PCTP: variants seen among roughly 807,000 people sequenced by gnomAD.
The protein encoded by PCTP is START domain-containing protein 2.
PCTP carries 27 observed loss-of-function variants against 31.0 expected under a neutral mutation model. The ratio of observed to expected loss-of-function variants is 0.87; its 90% CI spans 0.64 to 1.20. The LOEUF (loss-of-function observed/expected upper bound fraction) is 1.20. Among genes scored for constraint, PCTP ranks in the 50% most tolerant of loss-of-function variants. The pLI, the probability that PCTP is intolerant of heterozygous loss-of-function variation, is 0.00. For synonymous variants in PCTP, 108 were observed against 101.2 expected (o/e 1.07, Z -0.40); for missense variants, 287 against 268.2 (o/e 1.07, Z -0.49).
rs1038212020 is a variant in PCTP, at chr17:55,770,981, C to A, written c.260-125C>A. 1.3e-5 allele frequency: 9 copies of A among 696,110 alleles called. 1 individual carries two copies. The highest frequency in any genetic ancestry group is 2.1e-5 in the Non-Finnish European group (8 of 388,296). The allele number at this position is 696,110 out of a possible 1,614,324, so 43.1% of individuals were successfully genotyped here. On this transcript the variant is annotated intron_variant, in intron 2 of 5. Coordinates refer to ENST00000268896, the MANE Select transcript of PCTP (RefSeq NM_021213.4). ...CTCCTGGACTTGAGCAATTGACTCA[C>A]CTTGGCCTCAAAAAGTGCTGGGATT...
intron 3 of PCTP, among the ~76,000 whole-genome samples, chr17:55,796,019 G>GA (rs1164624276): frequency 2.6e-5 from 4 of 152,032 alleles, no homozygotes; most frequent in Non-Finnish European, 4.4e-5. Flanking sequence ...AGGCGTCTAG[G>GA]AAAGGATAAG....
the PCTP span, among the ~76,000 whole-genome samples, chr17:55,849,867 A>G: frequency 1.2e-4 from 19 of 152,140 alleles, no homozygotes; most frequent in Admixed American, 1.2e-3. Context: ...TACCACAACC[A>G]AGAAGAGTTT....
At chr17:55,817,525 C>G (rs982190852) in intron 3 of PCTP, among the ~76,000 whole-genome samples, 2 of 152,194 alleles carry the variant, frequency 1.3e-5, no homozygotes, top group Non-Finnish European at 2.9e-5. Context: ...CTAAGAAGGT[C>G]AGTTCTTCCG....
chr17:55,838,327 C>T (rs1458331422), intron 5 of PCTP, among the ~76,000 whole-genome samples: 1 of 152,128 alleles, frequency 6.6e-6, no homozygotes, highest in Non-Finnish European at 1.5e-5. Context: ...GTGAAATCTG[C>T]AATAGAGGTT....
chr17:55,751,234 T>C lies in PCTP; in HGVS notation c.131T>C (p.Leu44Pro), dbSNP rs1285134105. 6 of 1,541,148 alleles carry C rather than the reference T, an allele frequency of 3.9e-6. No individual in the cohort carries two copies. The Admixed American group carries it at 1.0e-4, about 26-fold the overall frequency. ...VETSGISIYR[L>P]LDKKTGLYEY... Reference sequence around the variant, plus strand: ...ACCTCGGGCATCAGCATCTACCGGCTGCTGGACAAGGTAGCGGCCAACCCG... The same window carrying C: ...ACCTCGGGCATCAGCATCTACCGGCCGCTGGACAAGGTAGCGGCCAACCCG... Residue 44 changes from leucine to proline, a missense_variant, in exon 1 of 6, where the codon CTG (leucine) becomes CCG (proline). Physicochemically the swap from Leu to Pro is moderately conservative, Grantham distance 98 (BLOSUM62 -3). Coordinates refer to ENST00000268896, the MANE Select transcript of PCTP (RefSeq NM_021213.4).
intron 5 of PCTP, among the ~76,000 whole-genome samples, chr17:55,836,436 C>T (rs887316048): frequency 6.6e-6 from 1 of 152,130 alleles, no homozygotes; most frequent in Non-Finnish European, 1.5e-5. Flanking sequence ...AGTCAGTGGA[C>T]TTTTGTCTGC....
chr17:55,771,073 C>T, intron 2 of PCTP, 33 bp from the exon 3 acceptor site: 1 of 1,549,664 alleles, frequency 6.5e-7, no homozygotes, highest in Non-Finnish European at 8.9e-7. Context: ...AAAAAGGCTT[C>T]CAGATGCATT....
At chr17:55,774,684 C>G in intron 4 of PCTP, 108 bp from the exon 5 acceptor site, 1 of 890,860 alleles carries the variant, frequency 1.1e-6, no homozygotes, top group Non-Finnish European at 1.8e-6. Flanking sequence ...CTACCTCCCT[C>G]TGCAGTTTCT....
chr17:55,798,713 T>C (rs1912268150), intron 3 of PCTP, among the ~76,000 whole-genome samples: 1 of 151,884 alleles, frequency 6.6e-6, no homozygotes, highest in African/African-American at 2.4e-5. Flanking sequence ...AACAGAGTTA[T>C]AGTACATAAA....
At chr17:55,787,965 G>A (rs1018826185) in intron 3 of PCTP, among the ~76,000 whole-genome samples, 4 of 152,124 alleles carry the variant, frequency 2.6e-5, no homozygotes, top group African/African-American at 9.7e-5. Context: ...GGGACACTCA[G>A]AGTACAATGG....
chr17:55,836,360 T>C (rs1905777462), intron 5 of PCTP, among the ~76,000 whole-genome samples: 1 of 152,244 alleles, frequency 6.6e-6, no homozygotes, highest in Non-Finnish European at 1.5e-5. Context: ...AAGAGTGGTT[T>C]AGTCCACCAT....
At chr17:55,792,498 A>G (rs993717092) in intron 3 of PCTP, among the ~76,000 whole-genome samples, 6 of 152,120 alleles carry the variant, frequency 3.9e-5, no homozygotes, top group African/African-American at 1.4e-4. Flanking sequence ...AAAATATCTC[A>G]CATAACTTAC....
chr17:55,791,254 T>G (rs1193257429), intron 3 of PCTP, among the ~76,000 whole-genome samples: 1 of 151,978 alleles, frequency 6.6e-6, no homozygotes. Flanking sequence ...GGCAAGGACT[T>G]CATGTCTAAA....
intron 3 of PCTP, among the ~76,000 whole-genome samples, chr17:55,811,811 T>C (rs1362620333): frequency 1.3e-5 from 2 of 152,224 alleles, no homozygotes; most frequent in Admixed American, 1.3e-4. Flanking sequence ...AGCTTGCTAA[T>C]GTTTTGGCTC....
At chr17:55,758,108 A>G (rs1220990025) in intron 1 of PCTP, among the ~76,000 whole-genome samples, 1 of 152,212 alleles carries the variant, frequency 6.6e-6, no homozygotes, top group East Asian at 1.9e-4. Flanking sequence ...TAGAGTGTGG[A>G]ACCAGTGCGC....
At chr17:55,758,798 G>A (rs1039491001) in intron 1 of PCTP, among the ~76,000 whole-genome samples, 4 of 152,186 alleles carry the variant, frequency 2.6e-5, no homozygotes, top group Admixed American at 6.5e-5. Context: ...CTTAGGATAA[G>A]CCTGTGGGTA....
chr17:55,845,986 C>T (rs183561405), downstream of PCTP, among the ~76,000 whole-genome samples: 24 of 151,240 alleles, frequency 1.6e-4, no homozygotes, highest in East Asian at 4.5e-3. Context: ...CCCTGTGTAT[C>T]CATGGATTCA....
At chr17:55,845,800 T>TC (rs1906130168), downstream of PCTP, among the ~76,000 whole-genome samples, 2 of 149,652 alleles carry the variant, frequency 1.3e-5, no homozygotes, top group Admixed American at 1.3e-4. Context: ...CAACACCCCC[T>TC]CCCCCCATTC....
At chr17:55,754,374 G>A (rs1171046298) in intron 1 of PCTP, among the ~76,000 whole-genome samples, 1 of 152,094 alleles carries the variant, frequency 6.6e-6, no homozygotes, top group Non-Finnish European at 1.5e-5. Flanking sequence ...TTCATTTACT[G>A]GTTTATTATA....
Sources: gnomAD v4.1 joint callset for allele counts (sites outside exome capture counted in the v4.1 genomes callset) on GRCh38, gnomAD v4.1.1 for gene constraint, MANE v1.5 for transcripts, NCBI Gene and HGNC (gene_info 2026-07-23, HGNC 2026-07-21) for gene names.